Variants in NRXN3 observed in about 807,000 individuals in gnomAD.
NRXN3 encodes the protein neurexin 3.
NRXN3 carries 32 observed loss-of-function variants against 137.6 expected under a neutral mutation model. The observed-to-expected ratio is 0.23, with a 90% CI of 0.18 to 0.31. The LOEUF (loss-of-function observed/expected upper bound fraction) is 0.31, where lower values mean the gene tolerates loss of function less well. Ranked by LOEUF, NRXN3 falls within the 10% of genes least tolerant of loss-of-function variation. The pLI is 1.00. For missense variants in NRXN3, 1,574 were observed against 2,062.5 expected, an observed-to-expected ratio of 0.76 and a Z score of 4.59; for synonymous variants, 798 against 784.5, an observed-to-expected ratio of 1.02 and a Z score of -0.29.
At chr14:79,639,644 T>C (rs144097673) in intron 16 of NRXN3, among the ~76,000 whole-genome samples, 2 of 152,346 alleles carry the variant, frequency 1.3e-5, no homozygotes, top group African/African-American at 2.4e-5. Context: ...GTGAACTTTT[T>C]TTCGCTGTAG....
chr14:79,091,082 A>C (rs2049074469), intron 15 of NRXN3, among the ~76,000 whole-genome samples: 1 of 152,094 alleles, frequency 6.6e-6, no homozygotes, highest in African/African-American at 2.4e-5. Flanking sequence ...CAGTAAAAAA[A>C]AAAAAAAAGT....
intron 4 of NRXN3, among the ~76,000 whole-genome samples, chr14:78,547,814 A>G (rs1399833261): frequency 3.3e-5 from 5 of 152,064 alleles, no homozygotes; most frequent in Non-Finnish European, 7.4e-5. Context: ...TGTATATTTT[A>G]TATATAAATC....
At chr14:79,476,709 T>G (rs1240559241) in intron 16 of NRXN3, among the ~76,000 whole-genome samples, 29 of 152,102 alleles carry the variant, frequency 1.9e-4, no homozygotes, top group Admixed American at 1.9e-3. Flanking sequence ...CCAGACACTG[T>G]GCAAGAACTT....
At chr14:78,365,623 CTGTT>C (rs2085811601) in intron 4 of NRXN3, among the ~76,000 whole-genome samples, 1 of 152,158 alleles carries the variant, frequency 6.6e-6, no homozygotes, top group Non-Finnish European at 1.5e-5. Flanking sequence ...TAAAGAAAAA[CTGTT>C]TGGAGAACAA....
At chr14:78,266,971 G>A (rs1019279895) in intron 2 of NRXN3, among the ~76,000 whole-genome samples, 1 of 152,136 alleles carries the variant, frequency 6.6e-6, no homozygotes, top group African/African-American at 2.4e-5. Context: ...GATCCATTGG[G>A]AGGCATTCAG....
intron 8 of NRXN3, among the ~76,000 whole-genome samples, chr14:78,726,522 T>TTTC (rs2098484490): frequency 6.7e-6 from 1 of 148,214 alleles, no homozygotes; most frequent in East Asian, 2.0e-4. Context: ...TAGCTTTTTT[T>TTTC]TTTTTTTTTT....
intron 11 of NRXN3, among the ~76,000 whole-genome samples, chr14:78,959,731 C>T (rs1013119820): frequency 1.3e-5 from 2 of 152,260 alleles, no homozygotes; most frequent in South Asian, 2.1e-4. Flanking sequence ...ATTTAGCGCC[C>T]GCAGCCAACC....
At chr14:79,048,800 G>A (rs1389409837) in intron 15 of NRXN3, among the ~76,000 whole-genome samples, 2 of 149,436 alleles carry the variant, frequency 1.3e-5, no homozygotes, top group Non-Finnish European at 3.0e-5. Flanking sequence ...CGAGACGGGC[G>A]GATCACGAGG....
chr14:78,859,308 C>T (rs547073492), intron 10 of NRXN3, among the ~76,000 whole-genome samples: 46 of 152,200 alleles, frequency 3.0e-4, no homozygotes, highest in African/African-American at 1.0e-3. Flanking sequence ...TCCTTCATAG[C>T]GGTGTGAGAA....
chr14:79,520,591 C>T (rs7158122), intron 16 of NRXN3, among the ~76,000 whole-genome samples: 5,591 of 152,248 alleles, frequency 0.037, 313 homozygotes, highest in African/African-American at 0.13. Flanking sequence ...TTTCCAGCTT[C>T]ATCCATGTCC....
At chr14:78,851,581 A>G (rs575503343) in intron 10 of NRXN3, among the ~76,000 whole-genome samples, 33 of 152,308 alleles carry the variant, frequency 2.2e-4, no homozygotes, top group African/African-American at 7.2e-4. Flanking sequence ...CAAAGCAAAA[A>G]GTGTGCTTAC....
intron 15 of NRXN3, among the ~76,000 whole-genome samples, chr14:79,029,917 G>C (rs749480358): frequency 9.2e-5 from 14 of 151,766 alleles, no homozygotes; most frequent in South Asian, 4.2e-4. Context: ...CATGATCTCA[G>C]TTCACTGCAA....
At chr14:79,482,066 C>T (rs939482319) in intron 16 of NRXN3, among the ~76,000 whole-genome samples, 15 of 152,224 alleles carry the variant, frequency 9.9e-5, no homozygotes, top group South Asian at 2.1e-4. Context: ...TTGTGACCTC[C>T]GGAATAATGG....
At chr14:78,632,294 G>A (rs1233772688) in intron 4 of NRXN3, among the ~76,000 whole-genome samples, 1 of 152,034 alleles carries the variant, frequency 6.6e-6, no homozygotes, top group African/African-American at 2.4e-5. Context: ...TGAAAATCTA[G>A]CCTTGTTGAG....
chr14:79,496,087 G>A (rs537971742), intron 16 of NRXN3, among the ~76,000 whole-genome samples: 13 of 152,234 alleles, frequency 8.5e-5, no homozygotes, highest in East Asian at 1.9e-4. Context: ...AATGATGTTC[G>A]TAATCCAGTG....
chr14:78,608,741 C>T (rs183884073), intron 4 of NRXN3, among the ~76,000 whole-genome samples: 126 of 152,238 alleles, frequency 8.3e-4, no homozygotes, highest in Non-Finnish European at 1.6e-3. Context: ...TAGCCTGGGT[C>T]GCTCCCCTCT....
intron 19 of NRXN3, among the ~76,000 whole-genome samples, chr14:79,778,661 G>T (rs1208878450): frequency 6.6e-6 from 1 of 152,050 alleles, no homozygotes; most frequent in African/African-American, 2.4e-5. Flanking sequence ...AGGGGAAGAG[G>T]CTTAAAATAT....
intron 15 of NRXN3, among the ~76,000 whole-genome samples, chr14:79,432,457 G>A (rs2095777072): frequency 6.6e-6 from 1 of 151,968 alleles, no homozygotes; most frequent in African/African-American, 2.4e-5. Flanking sequence ...AATTGACAAG[G>A]CGCTTCTATG....
chr14:79,701,791 C>T (rs2154032225), intron 19 of NRXN3, among the ~76,000 whole-genome samples: 1 of 152,154 alleles, frequency 6.6e-6, no homozygotes, highest in African/African-American at 2.4e-5. Context: ...AAGTCTACCA[C>T]ATTACTAAGG....
Sources: allele counts gnomAD v4.1 joint callset (sites outside exome capture counted in the v4.1 genomes callset), GRCh38; gene constraint gnomAD v4.1.1; transcripts MANE v1.5; gene names NCBI Gene and HGNC (gene_info 2026-07-23, HGNC 2026-07-21).